The following GRM5 variants were observed in gnomAD, a reference collection of about 807,000 sequenced individuals.
GRM5 encodes glutamate metabotropic receptor 5, also known as metabotropic glutamate receptor 5.
Under a neutral mutation model 83.1 loss-of-function variants are expected in GRM5, and 19 were observed. That is an observed-to-expected ratio of 0.23 (90% CI 0.16 to 0.34). The LOEUF is 0.34. GRM5 is among the 10% of genes least tolerant of loss of function. The probability of loss-of-function intolerance (pLI) is 1.00; values close to 1 mark genes in which losing one functional copy is unlikely to be tolerated. For synonymous variants in GRM5, 675 were observed against 633.6 expected, an observed-to-expected ratio of 1.07 and a Z score of -0.98; for missense variants, 1,160 against 1,588.3, an observed-to-expected ratio of 0.73 and a Z score of 4.58.
intron 2 of GRM5, among the ~76,000 whole-genome samples, chr11:89,008,674 A>G (rs1377922315): frequency 6.6e-6 from 1 of 152,256 alleles, no homozygotes; most frequent in East Asian, 1.9e-4. Flanking sequence ...CTAGGCACTT[A>G]TGTGGGAGAA....
At chr11:88,948,726 C>A (rs1299079581) in intron 2 of GRM5, among the ~76,000 whole-genome samples, 1 of 152,064 alleles carries the variant, frequency 6.6e-6, no homozygotes, top group Non-Finnish European at 1.5e-5. Flanking sequence ...AATATGAAAT[C>A]AAGAAAGCTA....
intron 2 of GRM5, among the ~76,000 whole-genome samples, chr11:88,967,460 G>A (rs188511460): frequency 6.6e-6 from 1 of 151,810 alleles, no homozygotes; most frequent in East Asian, 1.9e-4. Flanking sequence ...GAAGCTATGG[G>A]GCCTACATCT....
At chr11:88,854,032 C>G (rs1944428896) in intron 2 of GRM5, among the ~76,000 whole-genome samples, 1 of 129,870 alleles carries the variant, frequency 7.7e-6, no homozygotes, top group South Asian at 2.4e-4. Flanking sequence ...TATCCATCAA[C>G]AGATAAATGA....
intron 3 of GRM5, among the ~76,000 whole-genome samples, chr11:88,754,995 A>G (rs904835480): frequency 1.0e-5 from 1 of 95,768 alleles, no homozygotes; most frequent in Non-Finnish European, 3.2e-5. Flanking sequence ...CCTCATATGC[A>G]AAACAGAGAT....
In GRM5 at chr11:88,914,335, G is replaced by C. The variant is rs115831182; in HGVS notation, c.662-64180C>G. ...ACACATCAAGCATTCTCTCTCCCAA[G>C]AACTGGAGATATAGTAGTGACCAAT... is the stretch of plus-strand genomic sequence containing the variant. On this transcript the variant is annotated intron_variant, in intron 2 of 9. Transcript: ENST00000305447. Among the ~76,000 whole-genome samples the C allele has an allele frequency of 9.1e-4, 138 of 152,268 alleles. 1 individual carries two copies. Among genetic ancestry groups the C allele is most frequent in the African/African-American group, 3.1e-3 (127 of 41,570 alleles).
At chr11:88,664,686 A>G (rs1455073961) in intron 3 of GRM5, among the ~76,000 whole-genome samples, 1 of 152,050 alleles carries the variant, frequency 6.6e-6, no homozygotes, top group African/African-American at 2.4e-5. Context: ...ACCTCAGGTG[A>G]TCCACCTGCC....
intron 2 of GRM5, among the ~76,000 whole-genome samples, chr11:88,988,722 A>C (rs1939840634): frequency 6.6e-6 from 1 of 151,278 alleles, no homozygotes; most frequent in Non-Finnish European, 1.5e-5. Context: ...TCTTAAAGAA[A>C]AGAATTTTCA....
At chr11:88,831,820 A>G (rs1944000003) in intron 3 of GRM5, among the ~76,000 whole-genome samples, 1 of 152,196 alleles carries the variant, frequency 6.6e-6, no homozygotes, top group Non-Finnish European at 1.5e-5. Context: ...CCCACTGCTC[A>G]GGGACCTGAG....
chr11:88,751,072 CAAAAAA>C (rs774458890), intron 3 of GRM5, among the ~76,000 whole-genome samples: 39 of 47,350 alleles, frequency 8.2e-4, no homozygotes, highest in South Asian at 6.6e-3. Context: ...TAGCAGAAGC[CAAAAAA>C]AAAAAAAAAA....
At chr11:88,716,391 A>G (rs556130121) in intron 3 of GRM5, among the ~76,000 whole-genome samples, 1 of 152,034 alleles carries the variant, frequency 6.6e-6, no homozygotes, top group Admixed American at 6.6e-5. Flanking sequence ...TAGGCTGAGC[A>G]TTGAGATAGG....
Position 89,047,001 on chromosome 11 carries a change from T to A in GRM5, c.661+211A>T, listed in dbSNP as rs1470407323. ...AATTCACAATGAAAACAAAATTATA[T>A]TTCACCAAATATTGGCCACATACAC... On this transcript the variant is annotated intron_variant, in intron 2 of 9. Coordinates refer to ENST00000305447, the MANE Select transcript of GRM5 (RefSeq NM_001143831.3). The surrounding 1 kb of genome is among the most constrained non-coding windows in gnomAD (Gnocchi z 5.1). 3.9e-5 allele frequency among the ~76,000 whole-genome samples: 6 copies of A among 152,166 alleles called. No individual in the cohort carries two copies. The highest frequency in any genetic ancestry group is 8.8e-5 in the Non-Finnish European group (6 of 68,030).
chr11:89,020,656 G>T (rs191855794), intron 2 of GRM5, among the ~76,000 whole-genome samples: 1 of 152,246 alleles, frequency 6.6e-6, no homozygotes, highest in African/African-American at 2.4e-5. Context: ...AGGAACCATC[G>T]ATTCCAGCTT....
At chr11:88,725,910 T>C (rs185614257) in intron 3 of GRM5, among the ~76,000 whole-genome samples, 1 of 152,212 alleles carries the variant, frequency 6.6e-6, no homozygotes, top group African/African-American at 2.4e-5. Context: ...CAAAGGTAGA[T>C]AAATCCACGA....
chr11:88,521,401 T>A lies in GRM5; in HGVS notation c.2726+3908A>T, dbSNP rs182564556. 8.6e-4 allele frequency among the ~76,000 whole-genome samples: 131 copies of A among 152,040 alleles called. 1 individual carries two copies. Among genetic ancestry groups the A allele is most frequent in the African/African-American group, 3.0e-3 (123 of 41,484 alleles). On this transcript the variant is annotated intron_variant, in intron 9 of 9. Coordinates refer to ENST00000305447, the MANE Select transcript of GRM5 (RefSeq NM_001143831.3). ...CATTGCACTCCAGCCTGGGTGACAT[T>A]GCAGACTCTGACTGAGAAAAAAGCA... is the stretch of plus-strand genomic sequence containing the variant.
chr11:88,764,351 A>G (rs573003330), intron 3 of GRM5, among the ~76,000 whole-genome samples: 1 of 151,828 alleles, frequency 6.6e-6, no homozygotes, highest in South Asian at 2.1e-4. Context: ...AACCAACTAG[A>G]TGTAACAGAC....
intron 1 of GRM5, among the ~76,000 whole-genome samples, chr11:89,063,250 C>T (rs866095145): frequency 6.6e-6 from 1 of 152,186 alleles, no homozygotes; most frequent in Non-Finnish European, 1.5e-5. Flanking sequence ...CCTTTTCAAC[C>T]CTTGCAGCTC....
At chr11:88,651,616 G>A (rs72639180) in intron 4 of GRM5, among the ~76,000 whole-genome samples, 3,167 of 152,118 alleles carry the variant, frequency 0.021, 91 homozygotes, top group East Asian at 0.12. Flanking sequence ...TGTTTCTCAC[G>A]TATTTTGCCA....
chr11:88,808,427 C>T (rs190451283), intron 3 of GRM5, among the ~76,000 whole-genome samples: 132 of 152,008 alleles, frequency 8.7e-4, no homozygotes, highest in African/African-American at 3.1e-3. Flanking sequence ...GAATATTAAA[C>T]AATGTGTTTG....
intron 2 of GRM5, among the ~76,000 whole-genome samples, chr11:88,857,006 T>C (rs1344537727): frequency 6.6e-6 from 1 of 152,106 alleles, no homozygotes; most frequent in Non-Finnish European, 1.5e-5. Context: ...GATACTTAAG[T>C]TGTGCATAGT....
Sources: gnomAD v4.1 joint callset for allele counts (sites outside exome capture counted in the v4.1 genomes callset) on GRCh38, gnomAD v4.1.1 for gene constraint, Gnocchi (gnomAD v3.1) non-coding constraint, MANE v1.5 for transcripts, NCBI Gene and HGNC (gene_info 2026-07-23, HGNC 2026-07-21) for gene names.